Variants in TMEM71 observed in about 807,000 individuals in gnomAD.
TMEM71 encodes the protein transmembrane protein 71.
TMEM71 carries 44 observed loss-of-function variants against 38.0 expected under a neutral mutation model. That is an observed-to-expected ratio of 1.16 (90% confidence interval 0.91 to 1.49). The LOEUF (loss-of-function observed/expected upper bound fraction) is 1.49. Ranked by LOEUF, TMEM71 falls within the 40% of genes most tolerant of loss-of-function variation. The pLI, the probability that TMEM71 is intolerant of heterozygous loss-of-function variation, is 0.00. For missense variants in TMEM71, 367 were observed against 348.6 expected, an observed-to-expected ratio of 1.05 and a Z score of -0.42; for synonymous variants, 133 against 122.5, an observed-to-expected ratio of 1.09 and a Z score of -0.56.
At chr8:132,772,423 G>A in the TMEM71 span, among the ~76,000 whole-genome samples, 446 of 152,320 alleles carry the variant, frequency 2.9e-3, 7 homozygotes, top group Admixed American at 0.018. Context: ...CTGGGTGGAA[G>A]AGAGGAGAAG....
At chr8:132,755,991 T>A (rs1345573963) in intron 3 of TMEM71, among the ~76,000 whole-genome samples, 2 of 152,198 alleles carry the variant, frequency 1.3e-5, no homozygotes, top group African/African-American at 4.8e-5. Flanking sequence ...TCTTTCCACA[T>A]GTGCCTCTGT....
At position 132,758,894 on chromosome 8, in the gene TMEM71, T is replaced by C; in HGVS notation, c.-15A>G. The stretch of plus-strand genomic sequence containing the variant: ...ATTCGGTACATCTTGGGAAGGCCGC[T>C]TGCTCAAACTTCACAGATTCTCTGC... On this transcript the variant is annotated 5_prime_UTR_variant, in exon 2 of 10. Transcript: ENST00000677595. 3 of 1,612,894 alleles carry C rather than the reference T, an allele frequency of 1.9e-6. No individual in the cohort carries two copies. In the South Asian group the frequency reaches 3.3e-5, roughly 18 times the overall value.
In TMEM71 at chr8:132,747,308, T is replaced by G. The variant is rs540280228; in HGVS notation, c.315-194A>C. Among the ~76,000 whole-genome samples, 3 of 152,234 alleles carry G rather than the reference T, an allele frequency of 2.0e-5. No individual in the cohort carries two copies. In the South Asian group the frequency reaches 6.2e-4, roughly 32 times the overall value. The stretch of plus-strand genomic sequence containing the variant: ...GAGTACTGAGGTAAAAGACAAAACT[T>G]TGTGTGTGAAAAGTTCACAATGTAT... On this transcript the variant is annotated intron_variant, in intron 4 of 9. Transcript: ENST00000677595.
intron 7 of TMEM71, among the ~76,000 whole-genome samples, chr8:132,715,622 C>A (rs1376812642): frequency 6.6e-6 from 1 of 152,108 alleles, no homozygotes; most frequent in Non-Finnish European, 1.5e-5. Context: ...GTACAAAAAT[C>A]TGCATATGAT....
chr8:132,734,722 CA>C (rs1172596333), intron 5 of TMEM71, among the ~76,000 whole-genome samples: 1 of 152,186 alleles, frequency 6.6e-6, no homozygotes, highest in Non-Finnish European at 1.5e-5. Context: ...CCCTAATTGA[CA>C]GTGAATTTTC....
chr8:132,738,663 A>G (rs1455883617), intron 5 of TMEM71, among the ~76,000 whole-genome samples: 1 of 152,104 alleles, frequency 6.6e-6, no homozygotes, highest in Non-Finnish European at 1.5e-5. Flanking sequence ...AAGGTTCTTC[A>G]AATATCTACA....
intron 6 of TMEM71, among the ~76,000 whole-genome samples, chr8:132,722,711 A>G (rs1826923161): frequency 6.6e-6 from 1 of 152,240 alleles, no homozygotes; most frequent in South Asian, 2.1e-4. Flanking sequence ...AGACAATTGC[A>G]ACTTTGCATA....
chr8:132,724,191 T>C (rs1293662266), intron 6 of TMEM71, among the ~76,000 whole-genome samples: 1 of 152,156 alleles, frequency 6.6e-6, no homozygotes, highest in Admixed American at 6.5e-5. Flanking sequence ...TTGATAAACA[T>C]CTTAACAGAA....
intron 7 of TMEM71, 70 bp from the exon 8 acceptor site, chr8:132,714,285 C>T: frequency 8.7e-7 from 1 of 1,154,502 alleles, no homozygotes; most frequent in Non-Finnish European, 1.3e-6. Context: ...TTTTTTTAGA[C>T]TTACTATAGA....
chr8:132,772,266 A>G, the TMEM71 span, among the ~76,000 whole-genome samples: 2 of 152,206 alleles, frequency 1.3e-5, no homozygotes, highest in African/African-American at 4.8e-5. Context: ...AATTTAGTTC[A>G]GTGATTTCTG....
At position 132,710,658 on chromosome 8, in the gene TMEM71, G is replaced by A. The variant is rs1826187810; in HGVS notation, c.*309C>T. 1.9e-6 allele frequency: 1 copy of A among 523,474 alleles called. No individual in the cohort carries two copies. The highest frequency in any genetic ancestry group is 2.0e-5 in the African/African-American group (1 of 49,942). 32.4% of individuals were successfully genotyped at this position (523,474 alleles called of 1,614,324 possible). ...TGAAAATTCAAGCTCGAGAACCACT[G>A]CCTTAAAGAATCATAGGGGGACATT... is the stretch of plus-strand genomic sequence containing the variant. On this transcript the variant is annotated 3_prime_UTR_variant, in exon 10 of 10. Coordinates refer to ENST00000677595, the MANE Select transcript of TMEM71 (RefSeq NM_001382403.1).
At chr8:132,730,455 G>A (rs1827390682) in intron 5 of TMEM71, among the ~76,000 whole-genome samples, 1 of 152,146 alleles carries the variant, frequency 6.6e-6, no homozygotes, top group African/African-American at 2.4e-5. Context: ...TATGCAGGGA[G>A]ATAATCTCCT....
upstream of TMEM71, among the ~76,000 whole-genome samples, chr8:132,764,997 G>T (rs2131228067): frequency 2.6e-5 from 4 of 152,332 alleles, no homozygotes; most frequent in Middle Eastern, 0.01. Context: ...ATGGGCCAAA[G>T]CCTGGACAGG....
chr8:132,750,692 T>C (rs1244003212), intron 4 of TMEM71, among the ~76,000 whole-genome samples: 1 of 152,172 alleles, frequency 6.6e-6, no homozygotes, highest in Non-Finnish European at 1.5e-5. Context: ...ATATGGGTGG[T>C]TTTGAAGCAA....
chr8:132,752,042 T>A, intron 3 of TMEM71, 45 bp from the exon 4 acceptor site: 1 of 1,505,314 alleles, frequency 6.6e-7, no homozygotes, highest in Non-Finnish European at 9.2e-7. Flanking sequence ...ATTCAGTACA[T>A]CCAGTCCCAA....
chr8:132,741,193 T>C (rs994232871), intron 5 of TMEM71, among the ~76,000 whole-genome samples: 6 of 152,116 alleles, frequency 3.9e-5, no homozygotes, highest in African/African-American at 7.2e-5. Context: ...TGAAACCCTG[T>C]CTCTACTAAA....
intron 6 of TMEM71, among the ~76,000 whole-genome samples, chr8:132,724,012 T>C (rs533902202): frequency 6.6e-6 from 1 of 152,218 alleles, no homozygotes; most frequent in South Asian, 2.1e-4. Flanking sequence ...CAAGTTTTAT[T>C]GAGGATTTTA....
chr8:132,762,717 G>A (rs1829318796), upstream of TMEM71, among the ~76,000 whole-genome samples: 1 of 152,172 alleles, frequency 6.6e-6, no homozygotes. Flanking sequence ...TACGTGATGA[G>A]TAAGTAGAGC....
At chr8:132,720,342 C>A (rs951560094) in intron 7 of TMEM71, among the ~76,000 whole-genome samples, 1 of 152,112 alleles carries the variant, frequency 6.6e-6, no homozygotes, top group African/African-American at 2.4e-5. Context: ...AGAAACATAC[C>A]ATTTACAGTC....
Sources: allele counts gnomAD v4.1 joint callset (sites outside exome capture counted in the v4.1 genomes callset), GRCh38; gene constraint gnomAD v4.1.1; transcripts MANE v1.5; gene names NCBI Gene and HGNC (gene_info 2026-07-23, HGNC 2026-07-21).